HRH1: variants seen among roughly 807,000 people sequenced by gnomAD.
HRH1 encodes the protein histamine H1 receptor.
A neutral mutation model predicts 10.3 loss-of-function variants in HRH1; 6 were observed. That is an observed-to-expected ratio of 0.58 (90% CI 0.32 to 1.15). The LOEUF is 1.15. HRH1 is among the 50% of genes most tolerant of loss of function. The pLI, the probability that HRH1 is intolerant of heterozygous loss-of-function variation, is 0.05. For missense variants in HRH1, 514 were observed against 615.3 expected, an observed-to-expected ratio of 0.84 and a Z score of 1.74; for synonymous variants, 242 against 236.7, an observed-to-expected ratio of 1.02 and a Z score of -0.21.
chr3:11,190,436 G>A (rs1326769482), intron 1 of HRH1, among the ~76,000 whole-genome samples: 1 of 151,950 alleles, frequency 6.6e-6, no homozygotes, highest in East Asian at 1.9e-4. Context: ...AGGCTGGAGT[G>A]CTGGAGTGCA....
At chr3:11,201,979 C>T (rs1937930018) in intron 1 of HRH1, among the ~76,000 whole-genome samples, 1 of 152,204 alleles carries the variant, frequency 6.6e-6, no homozygotes, top group South Asian at 2.1e-4. Context: ...CCGGGGCAGG[C>T]ACCAGGACTG....
rs149654347 is a variant in HRH1, at chr3:11,210,350, G to A, written c.-35-48653G>A. On this transcript the variant is annotated intron_variant, in intron 1 of 1. Coordinates refer to ENST00000431010, the MANE Select transcript of HRH1 (RefSeq NM_001098212.2). ...TCGAGGCTGCCGTGAACTATTGAAC[G>A]TGCCAGTGTATCCAGCCTGGGTGAC... Among the ~76,000 whole-genome samples, 1,116 of 152,022 alleles carry A rather than the reference G, an allele frequency of 7.3e-3. 4 individuals are homozygous for A. The highest frequency in any genetic ancestry group is 0.021 in the Middle Eastern group (6 of 292).
chr3:11,205,043 A>G (rs2125030000), intron 1 of HRH1, among the ~76,000 whole-genome samples: 1 of 152,328 alleles, frequency 6.6e-6, no homozygotes, highest in South Asian at 2.1e-4. Flanking sequence ...AGCCTAATTA[A>G]GATGCAAATT....
At chr3:11,201,963 C>T (rs1937928043) in intron 1 of HRH1, among the ~76,000 whole-genome samples, 1 of 152,328 alleles carries the variant, frequency 6.6e-6, no homozygotes, top group Non-Finnish European at 1.5e-5. Context: ...ACATACTCCC[C>T]CCTCACCGGG....
chr3:11,173,963 C>T (rs73132437), intron 1 of HRH1, among the ~76,000 whole-genome samples: 6,227 of 152,262 alleles, frequency 0.041, 249 homozygotes, highest in African/African-American at 0.1. Flanking sequence ...ATAACCATGC[C>T]AGAATTGTAG....
rs1034005701 is a variant in HRH1 at position 11,258,991 on chromosome 3, C to T, written c.-35-12C>T. The T allele has an allele frequency of 2.0e-6, 3 of 1,531,462 alleles. No homozygotes were observed. The highest frequency in any genetic ancestry group is 2.6e-5 in the South Asian group (2 of 76,880). The allele number at this position is 1,531,462 out of a possible 1,614,324, so 94.9% of individuals were successfully genotyped here. A position where few individuals can be genotyped will look rare whatever the true frequency, so the allele number is the denominator to read the frequency against. On this transcript the variant is annotated splice_polypyrimidine_tract_variant and intron_variant, in intron 1 of 1. Transcript: ENST00000431010. ...AAGTCTCTGACCTTACTTTTTCTCTCTTTTCTCCCAGGGAGTGAGCCATAA... is the reference window on the plus strand; with the variant it reads ...AAGTCTCTGACCTTACTTTTTCTCTTTTTTCTCCCAGGGAGTGAGCCATAA...
rs536802018 is a variant in HRH1 at position 11,207,427 on chromosome 3, G to A, written c.-35-51576G>A. Among the ~76,000 whole-genome samples, 9 of 152,160 alleles carry A rather than the reference G, an allele frequency of 5.9e-5. No individual in the cohort carries two copies. The South Asian group carries it at 8.3e-4, about 14-fold the overall frequency. ...AAAAAAAAAATACAAAAAATTAGCC[G>A]GGTGTGGTGGCGGCGCCTGTAGTCC... On this transcript the variant is annotated intron_variant, in intron 1 of 1. Transcript: ENST00000431010.
chr3:11,258,242 C>CAAAAAAAAAAAAAAAAAA (rs33992856), intron 1 of HRH1, among the ~76,000 whole-genome samples: 6 of 76,398 alleles, frequency 7.9e-5, no homozygotes, highest in Admixed American at 1.6e-4. Context: ...TGATGTAAGC[C>CAAAAAAAAAAAAAAAAAA]AAAAAAAAAA....
At chr3:11,196,841 A>C (rs1002083141) in intron 1 of HRH1, among the ~76,000 whole-genome samples, 1 of 151,414 alleles carries the variant, frequency 6.6e-6, no homozygotes, top group Admixed American at 6.6e-5. Context: ...CGGGCACGGT[A>C]GCTCACGCCT....
chr3:11,222,810 A>C (rs1265827287), intron 1 of HRH1, among the ~76,000 whole-genome samples: 1 of 152,184 alleles, frequency 6.6e-6, no homozygotes, highest in Non-Finnish European at 1.5e-5. Context: ...AGGCCCTTAC[A>C]TTCCACCATT....
chr3:11,227,436 G>C (rs11128544), intron 1 of HRH1, among the ~76,000 whole-genome samples: 2 of 151,732 alleles, frequency 1.3e-5, no homozygotes, highest in Admixed American at 1.3e-4. Context: ...ACAGGCGCCC[G>C]CCACCACGCC....
intron 1 of HRH1, among the ~76,000 whole-genome samples, chr3:11,221,259 T>G (rs893325548): frequency 2.0e-5 from 3 of 152,098 alleles, no homozygotes; most frequent in Admixed American, 6.6e-5. Flanking sequence ...TGGTAAAATA[T>G]CTGTAACACG....
intron 1 of HRH1, among the ~76,000 whole-genome samples, chr3:11,138,332 A>G (rs1028467187): frequency 6.6e-6 from 1 of 151,882 alleles, no homozygotes; most frequent in East Asian, 1.9e-4. Context: ...TAAACAAGGA[A>G]CTCTTACAAC....
intron 1 of HRH1, among the ~76,000 whole-genome samples, chr3:11,144,484 C>CATATAGAAATATAG (rs1574968646): frequency 4.7e-5 from 1 of 21,084 alleles, no homozygotes; most frequent in Non-Finnish European, 9.2e-5. Context: ...CATATATATA[C>CATATAGAAATATAG]ACACACACAC....
chr3:11,167,380 C>G (rs1937065640), intron 1 of HRH1, among the ~76,000 whole-genome samples: 1 of 31,680 alleles, frequency 3.2e-5, no homozygotes. Flanking sequence ...TCTGCTGTCC[C>G]CTGGCCTCTC....
chr3:11,218,854 G>C (rs1938603420), intron 1 of HRH1, among the ~76,000 whole-genome samples: 1 of 151,890 alleles, frequency 6.6e-6, no homozygotes, highest in Admixed American at 6.6e-5. Context: ...GGGATTACAG[G>C]CGTGAGCCAC....
intron 1 of HRH1, among the ~76,000 whole-genome samples, chr3:11,192,254 G>C (rs534973952): frequency 6.6e-6 from 1 of 152,350 alleles, no homozygotes; most frequent in South Asian, 2.1e-4. Flanking sequence ...AACATGACAA[G>C]CACCTTGAAG....
chr3:11,187,965 A>T (rs964440420), intron 1 of HRH1, among the ~76,000 whole-genome samples: 2 of 152,200 alleles, frequency 1.3e-5, no homozygotes, highest in Admixed American at 6.5e-5. Context: ...TGTTATTAAA[A>T]TGTGTGATGC....
intron 1 of HRH1, among the ~76,000 whole-genome samples, chr3:11,195,976 C>T (rs1937635820): frequency 6.6e-6 from 1 of 152,208 alleles, no homozygotes; most frequent in Non-Finnish European, 1.5e-5. Flanking sequence ...CAGGAAGAGA[C>T]TAAAATGCTT....
Sources: gnomAD v4.1 joint callset for allele counts (sites outside exome capture counted in the v4.1 genomes callset) on GRCh38, gnomAD v4.1.1 for gene constraint, MANE v1.5 for transcripts, NCBI Gene and HGNC (gene_info 2026-07-23, HGNC 2026-07-21) for gene names.